CAMK2D: variants seen among roughly 807,000 people sequenced by gnomAD.
CAMK2D encodes calcium/calmodulin dependent protein kinase II delta.
CAMK2D carries 37 observed loss-of-function variants against 84.0 expected under a neutral mutation model. That is an observed-to-expected ratio of 0.44 (90% confidence interval 0.34 to 0.58). CAMK2D has a LOEUF of 0.58. Ranked by LOEUF, CAMK2D falls within the 20% of genes least tolerant of loss-of-function variation. CAMK2D has a pLI of 0.02. For synonymous variants in CAMK2D, 202 were observed against 212.5 expected, an observed-to-expected ratio of 0.95 and a Z score of 0.43; for missense variants, 448 against 652.5, an observed-to-expected ratio of 0.69 and a Z score of 3.41.
intron 2 of CAMK2D, among the ~76,000 whole-genome samples, chr4:113,753,107 T>C (rs2099621044): frequency 6.6e-6 from 1 of 152,084 alleles, no homozygotes; most frequent in Admixed American, 6.5e-5. Flanking sequence ...CTGACTCTTA[T>C]CACTTACTAA....
intron 2 of CAMK2D, among the ~76,000 whole-genome samples, chr4:113,747,986 G>A (rs1174349197): frequency 2.6e-5 from 4 of 151,994 alleles, no homozygotes; most frequent in East Asian, 1.9e-4. Context: ...CTGGCTTCTC[G>A]TGAGTATTTT....
intron 16 of CAMK2D, among the ~76,000 whole-genome samples, chr4:113,476,627 G>A (rs7684078): frequency 0.13 from 20,462 of 152,128 alleles, 1,658 homozygotes; most frequent in African/African-American, 0.22. Flanking sequence ...TTATGGTAGA[G>A]TCTTGAATTT....
intron 16 of CAMK2D, among the ~76,000 whole-genome samples, chr4:113,494,494 T>G (rs529723656): frequency 6.6e-6 from 1 of 151,800 alleles, no homozygotes; most frequent in Non-Finnish European, 1.5e-5. Flanking sequence ...GCAGTCTGCC[T>G]GTTCTCAGAT....
intron 3 of CAMK2D, among the ~76,000 whole-genome samples, chr4:113,616,586 T>C (rs990158965): frequency 3.3e-5 from 5 of 152,106 alleles, no homozygotes; most frequent in Non-Finnish European, 7.4e-5. Context: ...AATTAGAAAG[T>C]GGGAGATATG....
At chr4:113,486,785 T>C (rs904931159) in intron 16 of CAMK2D, among the ~76,000 whole-genome samples, 3 of 152,222 alleles carry the variant, frequency 2.0e-5, no homozygotes, top group Non-Finnish European at 2.9e-5. Flanking sequence ...TGAACACAAC[T>C]ATTGTAGTTT....
chr4:113,669,638 T>G (rs892702835), intron 2 of CAMK2D, among the ~76,000 whole-genome samples: 3 of 152,208 alleles, frequency 2.0e-5, no homozygotes, highest in Non-Finnish European at 4.4e-5. Context: ...TGTTGCTGTC[T>G]TCCTTTCACG....
chr4:113,652,888 C>T (rs1592531669), intron 3 of CAMK2D, among the ~76,000 whole-genome samples: 1 of 152,044 alleles, frequency 6.6e-6, no homozygotes, highest in East Asian at 1.9e-4. Flanking sequence ...CAGAAGGACT[C>T]TTTTTCTCCA....
At position 113,451,469 on chromosome 4, in the gene CAMK2D, A is replaced by G. The variant is rs1310430921; in HGVS notation, c.*3076T>C. On this transcript the variant is annotated 3_prime_UTR_variant, in exon 21 of 21. Transcript: ENST00000511664. ...ACCCATTAATCCTCACAATATCTTT[A>G]TTAAGTTGGTATGTTTATTCTCATT... 2 of 152,192 alleles carry G rather than the reference A, an allele frequency of 1.3e-5. No individual in the cohort carries two copies. Among genetic ancestry groups the G allele is most frequent in the African/African-American group, 4.8e-5 (2 of 41,446 alleles). 9.4% of individuals were successfully genotyped at this position (152,192 alleles called of 1,614,324 possible).
intron 2 of CAMK2D, among the ~76,000 whole-genome samples, chr4:113,732,511 A>G (rs1463464115): frequency 6.6e-6 from 1 of 152,230 alleles, no homozygotes. Flanking sequence ...TTATGAATTC[A>G]GTAAAACTTT....
chr4:113,643,062 G>A (rs1286625366), intron 3 of CAMK2D, among the ~76,000 whole-genome samples: 2 of 152,144 alleles, frequency 1.3e-5, no homozygotes, highest in Non-Finnish European at 2.9e-5. Flanking sequence ...CAAAAGAAGA[G>A]CAGAAACTAT....
chr4:113,622,098 T>C (rs1159222453), intron 3 of CAMK2D, among the ~76,000 whole-genome samples: 1 of 152,196 alleles, frequency 6.6e-6, no homozygotes, highest in Non-Finnish European at 1.5e-5. Context: ...GAAAGACAAA[T>C]TTCCTGGTAA....
chr4:113,579,041 C>CA (rs2098796718), intron 4 of CAMK2D, among the ~76,000 whole-genome samples: 1 of 151,786 alleles, frequency 6.6e-6, no homozygotes, highest in Non-Finnish European at 1.5e-5. Flanking sequence ...GCAAACTGTA[C>CA]AAATCAGGAG....
chr4:113,625,743 G>A (rs2099065213), intron 3 of CAMK2D, among the ~76,000 whole-genome samples: 2 of 152,114 alleles, frequency 1.3e-5, no homozygotes, highest in Non-Finnish European at 2.9e-5. Context: ...CTTCCTCTGA[G>A]CTAGATGGGA....
rs2097263174 is a variant in CAMK2D at position 113,452,316 on chromosome 4, T to C, written c.*2229A>G. 2.0e-5 allele frequency: 3 copies of C among 152,166 alleles called. No individual in the cohort carries two copies. The South Asian group carries it at 6.2e-4, about 32-fold the overall frequency. The allele number at this position is 152,166 out of a possible 1,614,324, so 9.4% of individuals were successfully genotyped here. A position where few individuals can be genotyped will look rare whatever the true frequency, so the allele number is the denominator to read the frequency against. ...TCACCAAGTGCAAATTGTTATGTAC[T>C]AAATGAGACCAGAGTAGGACACACT... On this transcript the variant is annotated 3_prime_UTR_variant, in exon 21 of 21. Transcript: ENST00000511664.
At chr4:113,577,025 T>A (rs2098786285) in intron 4 of CAMK2D, among the ~76,000 whole-genome samples, 1 of 152,144 alleles carries the variant, frequency 6.6e-6, no homozygotes, top group African/African-American at 2.4e-5. Context: ...GGTTTTTCAT[T>A]AATAAATTAT....
chr4:113,694,673 C>T (rs2099397617), intron 2 of CAMK2D, among the ~76,000 whole-genome samples: 2 of 152,090 alleles, frequency 1.3e-5, no homozygotes, highest in African/African-American at 4.8e-5. Context: ...TCATCCCATC[C>T]ATATATGATA....
chr4:113,661,747 A>T lies in CAMK2D; in HGVS notation c.186T>A (p.Ala62=), dbSNP rs1193774361. The change falls in exon 3 of 21, where the codon GCT becomes GCA. Residue 62 remains alanine (A), a synonymous_variant. Transcript: ENST00000511664. ...GGTGCTTCAAAAGACGGCAGATTCT[A>T]GCTTCTCTTTCTAGTTTCTGATGAT... ...ARDHQKLERE[A]RICRLLKHPN... is the part of the protein sequence containing the mutation. The T allele has an allele frequency of 6.7e-7, 1 of 1,503,494 alleles. No individual in the cohort carries two copies. Among genetic ancestry groups the T allele is most frequent in the Non-Finnish European group, 9.0e-7 (1 of 1,110,432 alleles). The allele number at this position is 1,503,494 out of a possible 1,614,324, so 93.1% of individuals were successfully genotyped here. A position where few individuals can be genotyped will look rare whatever the true frequency, so the allele number is the denominator to read the frequency against.
intron 4 of CAMK2D, among the ~76,000 whole-genome samples, chr4:113,565,477 C>T (rs1182124225): frequency 6.6e-6 from 1 of 151,872 alleles, no homozygotes. Context: ...ATGGTGAAAC[C>T]CCGTCTCTAC....
intron 2 of CAMK2D, among the ~76,000 whole-genome samples, chr4:113,742,079 T>C (rs995223641): frequency 5.9e-5 from 9 of 152,166 alleles, no homozygotes; most frequent in African/African-American, 1.7e-4. Flanking sequence ...ATGTCTCTCA[T>C]CTTAACTCTC....
Sources: gnomAD v4.1 joint callset for allele counts (sites outside exome capture counted in the v4.1 genomes callset) on GRCh38, gnomAD v4.1.1 for gene constraint, MANE v1.5 for transcripts, NCBI Gene and HGNC (gene_info 2026-07-23, HGNC 2026-07-21) for gene names.